CSMD1: variants seen among roughly 807,000 people sequenced by gnomAD.
The protein encoded by CSMD1 is CUB and sushi domain-containing protein 1.
A neutral mutation model predicts 417.5 loss-of-function variants in CSMD1; 213 were observed. The observed-to-expected ratio is 0.51, with a 90% CI of 0.46 to 0.57. The LOEUF is 0.57. CSMD1 is among the 20% of genes least tolerant of loss of function. CSMD1 has a pLI of 0.00. For missense variants in CSMD1, 6,923 were observed against 4,529.7 expected, an observed-to-expected ratio of 1.53 and a Z score of -15.17; for synonymous variants, 2,862 against 1,736.8, an observed-to-expected ratio of 1.65 and a Z score of -16.11.
chr8:4,046,720 T>C (rs576410224), intron 3 of CSMD1, among the ~76,000 whole-genome samples: 1 of 152,318 alleles, frequency 6.6e-6, no homozygotes, highest in African/African-American at 2.4e-5. Context: ...TTAAATGACC[T>C]AATGATTTAA....
chr8:3,828,887 C>T (rs1802208566), intron 5 of CSMD1, among the ~76,000 whole-genome samples: 1 of 152,158 alleles, frequency 6.6e-6, no homozygotes, highest in South Asian at 2.1e-4. Flanking sequence ...TCACCAACCC[C>T]ATGTTCACTG....
intron 18 of CSMD1, among the ~76,000 whole-genome samples, chr8:3,383,620 T>G (rs1463857962): frequency 6.6e-6 from 1 of 152,096 alleles, no homozygotes; most frequent in East Asian, 1.9e-4. Context: ...ATGATGCCAA[T>G]AAGAGAAGGA....
intron 2 of CSMD1, among the ~76,000 whole-genome samples, chr8:4,508,917 A>G (rs1254728751): frequency 6.6e-6 from 1 of 152,120 alleles, no homozygotes; most frequent in African/African-American, 2.4e-5. Context: ...GATGGTGCAC[A>G]GGGGCATAAA....
chr8:3,188,083 T>TATAC (rs1796174245), intron 35 of CSMD1, 118 bp from the exon 36 acceptor site: 2 of 309,068 alleles, frequency 6.5e-6, no homozygotes, highest in African/African-American at 5.0e-5. Context: ...TATACATATG[T>TATAC]ATATGTATAT....
chr8:4,242,865 C>G (rs1205532515), intron 3 of CSMD1, among the ~76,000 whole-genome samples: 1 of 152,104 alleles, frequency 6.6e-6, no homozygotes, highest in Non-Finnish European at 1.5e-5. Flanking sequence ...TAGATTAAAG[C>G]ATCAGGATGA....
intron 3 of CSMD1, among the ~76,000 whole-genome samples, chr8:4,167,527 T>TG (rs1797523200): frequency 6.6e-6 from 1 of 152,176 alleles, no homozygotes; most frequent in Non-Finnish European, 1.5e-5. Flanking sequence ...TAGCTACCTC[T>TG]GATTTATATA....
At position 3,609,911 on chromosome 8, in the gene CSMD1, C is replaced by G. The variant is rs1018124387; in HGVS notation, c.1097+6799G>C. On this transcript the variant is annotated intron_variant, in intron 8 of 69. Coordinates refer to ENST00000635120, the MANE Select transcript of CSMD1 (RefSeq NM_033225.6). ...TCGGCTCCTGGGTTCAAACGATTCT[C>G]CTGCCTCAGCCTCCCAAGTAGCTGG... Among the ~76,000 whole-genome samples the G allele has an allele frequency of 3.7e-5, 5 of 134,368 alleles. No homozygotes were observed. The East Asian group carries it at 1.2e-3, about 32-fold the overall frequency. 88.2% of individuals were successfully genotyped at this position (134,368 alleles called of 152,430 possible).
chr8:4,814,893 A>G (rs929306642), intron 1 of CSMD1, among the ~76,000 whole-genome samples: 5 of 152,228 alleles, frequency 3.3e-5, no homozygotes, highest in South Asian at 2.1e-4. Flanking sequence ...GATAAAAACT[A>G]TATAATCACA....
At chr8:4,501,585 A>C (rs1362682918) in intron 2 of CSMD1, among the ~76,000 whole-genome samples, 2 of 152,188 alleles carry the variant, frequency 1.3e-5, no homozygotes, top group African/African-American at 2.4e-5. Flanking sequence ...CATTAAATGA[A>C]AAATTTCAGA....
At chr8:3,404,486 A>T (rs146904255) in intron 15 of CSMD1, among the ~76,000 whole-genome samples, 261 of 152,158 alleles carry the variant, frequency 1.7e-3, no homozygotes, top group African/African-American at 5.5e-3. Context: ...CCACACCTAG[A>T]CCCCAGCTCT....
rs185158564 is a variant in CSMD1, at chr8:4,769,614, A to T, written c.86-132056T>A. Among the ~76,000 whole-genome samples the T allele has an allele frequency of 2.5e-3, 388 of 152,318 alleles. 1 individual carries two copies. The highest frequency in any genetic ancestry group is 4.6e-3 in the Non-Finnish European group (312 of 68,024). ...TGTAAATTAATGAATATTCTAAGAT[A>T]ATTTCTGATCTAAATTTCATCTGTT... On this transcript the variant is annotated intron_variant, in intron 1 of 69. Transcript: ENST00000635120.
At chr8:3,263,561 A>G (rs1050617890) in intron 26 of CSMD1, among the ~76,000 whole-genome samples, 2 of 152,228 alleles carry the variant, frequency 1.3e-5, no homozygotes, top group African/African-American at 4.8e-5. Context: ...AATACATTCA[A>G]GTAATTTTTG....
intron 2 of CSMD1, among the ~76,000 whole-genome samples, chr8:4,513,124 T>C (rs1335080865): frequency 6.6e-6 from 1 of 152,076 alleles, no homozygotes; most frequent in East Asian, 1.9e-4. Flanking sequence ...ACAGCAAGAG[T>C]GCGCTCCAAT....
chr8:4,041,000 C>CTT (rs1429536392), intron 3 of CSMD1, among the ~76,000 whole-genome samples: 1 of 134,190 alleles, frequency 7.5e-6, no homozygotes, highest in Non-Finnish European at 1.6e-5. Context: ...ATTTTCTTTT[C>CTT]TTTCTTTTTT....
intron 2 of CSMD1, among the ~76,000 whole-genome samples, chr8:4,536,659 C>G (rs1797117803): frequency 6.6e-6 from 1 of 152,048 alleles, no homozygotes. Flanking sequence ...TTTATTTGTA[C>G]TTTGTTATTT....
intron 3 of CSMD1, among the ~76,000 whole-genome samples, chr8:4,047,670 G>A (rs1043430868): frequency 6.6e-6 from 1 of 152,086 alleles, no homozygotes; most frequent in Admixed American, 6.6e-5. Flanking sequence ...CATGCAGAGA[G>A]AAGAAACACC....
At chr8:2,978,950 T>A (rs1459447826) in intron 54 of CSMD1, 150 bp from the exon 55 acceptor site, 2 of 692,188 alleles carry the variant, frequency 2.9e-6, no homozygotes, top group Admixed American at 6.6e-5. Flanking sequence ...ACTCTCACGA[T>A]GAATTCTCCG....
At chr8:3,717,791 T>A (rs75571704) in intron 6 of CSMD1, among the ~76,000 whole-genome samples, 1 of 152,210 alleles carries the variant, frequency 6.6e-6, no homozygotes, top group Admixed American at 6.5e-5. Context: ...TTTTAATAGA[T>A]TATTCATAAT....
chr8:3,483,166 T>C (rs757272037), intron 11 of CSMD1, among the ~76,000 whole-genome samples: 1 of 151,528 alleles, frequency 6.6e-6, no homozygotes, highest in Non-Finnish European at 1.5e-5. Flanking sequence ...GTAGAAAAAA[T>C]AACGAAACAA....
Sources: gnomAD v4.1 joint callset for allele counts (sites outside exome capture counted in the v4.1 genomes callset) on GRCh38, gnomAD v4.1.1 for gene constraint, MANE v1.5 for transcripts, NCBI Gene and HGNC (gene_info 2026-07-23, HGNC 2026-07-21) for gene names.